The following DPY19L2 variants were observed in gnomAD, a reference collection of about 807,000 sequenced individuals.
The protein encoded by DPY19L2 is probable C-mannosyltransferase DPY19L2.
In DPY19L2, 34 loss-of-function variants were observed where a neutral mutation model predicts 97.9. The ratio of observed to expected loss-of-function variants is 0.35; its 90% CI spans 0.26 to 0.46. DPY19L2 has a LOEUF of 0.46. DPY19L2 is among the 20% of genes least tolerant of loss of function. DPY19L2 has a pLI of 1.00. For synonymous variants in DPY19L2, 230 were observed against 307.9 expected (o/e 0.75, Z 2.65); for missense variants, 623 against 911.4 (o/e 0.68, Z 4.07).
intron 6 of DPY19L2, among the ~76,000 whole-genome samples, chr12:63,626,982 T>C (rs1233582932): frequency 6.6e-6 from 1 of 152,136 alleles, no homozygotes; most frequent in African/African-American, 2.4e-5. Context: ...TTTTACCATG[T>C]TGGCTAAGCT....
In DPY19L2 at chr12:63,562,112, C is replaced by T. The variant is rs1025682110; in HGVS notation, c.2127-1450G>A. Among the ~76,000 whole-genome samples, 12 of 151,932 alleles carry T rather than the reference C, an allele frequency of 7.9e-5. 1 individual carries two copies. The East Asian group carries it at 1.9e-3, about 24-fold the overall frequency. On this transcript the variant is annotated intron_variant, in intron 21 of 21. Transcript: ENST00000324472. The stretch of plus-strand genomic sequence containing the variant: ...GATTTTTTTAGCAGATGTATTAAGG[C>T]GTAATTGCTCAATAATTACTCAATA...
chr12:63,641,551 G>T (rs1892704947), intron 6 of DPY19L2, among the ~76,000 whole-genome samples: 1 of 152,062 alleles, frequency 6.6e-6, no homozygotes, highest in African/African-American at 2.4e-5. Flanking sequence ...ACAAATGGAA[G>T]TATGGAGTAT....
intron 6 of DPY19L2, among the ~76,000 whole-genome samples, chr12:63,639,295 A>G (rs1470426223): frequency 1.3e-5 from 2 of 152,192 alleles, no homozygotes; most frequent in South Asian, 4.1e-4. Context: ...ATGGGCAAGG[A>G]CTTCATGACT....
chr12:63,564,850 T>G (rs1877334559), intron 21 of DPY19L2, among the ~76,000 whole-genome samples: 1 of 108,146 alleles, frequency 9.2e-6, no homozygotes, highest in Admixed American at 8.7e-5. Context: ...TACTGTAGAT[T>G]TGTCTATTTT....
intron 4 of DPY19L2, among the ~76,000 whole-genome samples, chr12:63,654,848 T>G (rs922245415): frequency 1.3e-5 from 2 of 152,104 alleles, no homozygotes; most frequent in Non-Finnish European, 2.9e-5. Context: ...GAAAAACAGA[T>G]AGATGTCAAC....
chr12:63,574,901 T>G (rs959156730), intron 19 of DPY19L2, among the ~76,000 whole-genome samples: 3 of 151,972 alleles, frequency 2.0e-5, no homozygotes, highest in African/African-American at 7.2e-5. Flanking sequence ...GGACAGGTCA[T>G]CTAGACAGAA....
rs140701872 is a variant in DPY19L2, at chr12:63,585,858, T to C, written c.1581-2022A>G. Among the ~76,000 whole-genome samples the C allele has an allele frequency of 1.8e-3, 268 of 152,240 alleles. 1 individual carries two copies. The highest frequency in any genetic ancestry group is 6.1e-3 in the African/African-American group (255 of 41,542). On this transcript the variant is annotated intron_variant, in intron 16 of 21. Transcript: ENST00000324472. ...AGTTTAAGAGGATAATGCATCCATA[T>C]AATTAAAATAAGCTCCAGTGAAAAG...
At chr12:63,629,894 A>G (rs1469657961) in intron 6 of DPY19L2, among the ~76,000 whole-genome samples, 2 of 152,184 alleles carry the variant, frequency 1.3e-5, no homozygotes, top group Non-Finnish European at 2.9e-5. Flanking sequence ...AAGCCAGAAG[A>G]GAGTGGGGGC....
At chr12:63,573,530 A>C (rs1183367576) in intron 19 of DPY19L2, among the ~76,000 whole-genome samples, 1 of 152,128 alleles carries the variant, frequency 6.6e-6, no homozygotes, top group African/African-American at 2.4e-5. Flanking sequence ...AAGTTTATTC[A>C]AAAGTGTAAC....
chr12:63,655,950 T>TA (rs1456764276), intron 4 of DPY19L2, among the ~76,000 whole-genome samples: 1 of 152,200 alleles, frequency 6.6e-6, no homozygotes, highest in Non-Finnish European at 1.5e-5. Context: ...TTTAATTCTT[T>TA]ACCATTGTGT....
At chr12:63,620,889 C>A (rs1254464796) in intron 9 of DPY19L2, among the ~76,000 whole-genome samples, 1 of 152,002 alleles carries the variant, frequency 6.6e-6, no homozygotes, top group Non-Finnish European at 1.5e-5. Context: ...TAAAAAGGAA[C>A]AAGATCAGGT....
At chr12:63,636,099 C>A (rs1433686649) in intron 6 of DPY19L2, among the ~76,000 whole-genome samples, 3 of 82,654 alleles carry the variant, frequency 3.6e-5, no homozygotes, top group African/African-American at 1.6e-4. Context: ...ACTCTACAAG[C>A]CAGAAGGGGG....
At chr12:63,624,223 C>G in intron 7 of DPY19L2, 92 bp from the exon 8 acceptor site, 1 of 857,810 alleles carries the variant, frequency 1.2e-6, no homozygotes, top group Non-Finnish European at 1.9e-6. Flanking sequence ...AATTTTAATA[C>G]TAGGCTCACT....
intron 12 of DPY19L2, among the ~76,000 whole-genome samples, chr12:63,606,299 G>A (rs912145305): frequency 1.1e-4 from 17 of 151,826 alleles, no homozygotes; most frequent in South Asian, 1.0e-3. Flanking sequence ...AATAAAATGT[G>A]AAAAAGCACA....
intron 6 of DPY19L2, among the ~76,000 whole-genome samples, chr12:63,633,814 T>C (rs1410600310): frequency 1.3e-5 from 2 of 152,132 alleles, no homozygotes; most frequent in Non-Finnish European, 1.5e-5. Context: ...GGAACCAACC[T>C]AATGTCCAAC....
At chr12:63,619,399 T>C (rs921315694) in intron 9 of DPY19L2, among the ~76,000 whole-genome samples, 5 of 152,106 alleles carry the variant, frequency 3.3e-5, no homozygotes, top group African/African-American at 9.7e-5. Flanking sequence ...GAATTATCCC[T>C]CTGTAAGCAT....
intron 11 of DPY19L2, among the ~76,000 whole-genome samples, chr12:63,609,464 G>A (rs866536882): frequency 3.3e-5 from 5 of 152,146 alleles, no homozygotes; most frequent in African/African-American, 1.2e-4. Flanking sequence ...CTCATGAATG[G>A]GATTAGTGTG....
At chr12:63,620,216 T>TG (rs1357708078) in intron 9 of DPY19L2, 1 of 285,304 alleles carries the variant, frequency 3.5e-6, no homozygotes, top group East Asian at 1.0e-4. Flanking sequence ...TTACTAGTTA[T>TG]GTAGTTGCTT....
intron 6 of DPY19L2, among the ~76,000 whole-genome samples, chr12:63,628,072 G>A (rs10878064): frequency 0.23 from 34,525 of 152,094 alleles, 4,298 homozygotes; most frequent in East Asian, 0.43. Flanking sequence ...AAAGTAAGAT[G>A]AGTTGGTGAG....
Sources: allele counts gnomAD v4.1 joint callset (sites outside exome capture counted in the v4.1 genomes callset), GRCh38; gene constraint gnomAD v4.1.1; transcripts MANE v1.5; gene names NCBI Gene and HGNC (gene_info 2026-07-23, HGNC 2026-07-21).